Variants in GABRG3 observed in about 807,000 individuals in gnomAD.
GABRG3 encodes the protein gamma-aminobutyric acid receptor subunit gamma-3.
A neutral mutation model predicts 48.8 loss-of-function variants in GABRG3; 25 were observed. The observed-to-expected ratio is 0.51, with a 90% CI of 0.37 to 0.72. The LOEUF (loss-of-function observed/expected upper bound fraction) is 0.72. Among genes scored for constraint, GABRG3 ranks in the 30% least tolerant of loss-of-function variants. The pLI is 0.00. For missense variants in GABRG3, 394 were observed against 577.9 expected, an observed-to-expected ratio of 0.68 and a Z score of 3.26; for synonymous variants, 227 against 217.6, an observed-to-expected ratio of 1.04 and a Z score of -0.38.
At chr15:27,215,895 C>T (rs996838114) in intron 3 of GABRG3, among the ~76,000 whole-genome samples, 2 of 152,166 alleles carry the variant, frequency 1.3e-5, no homozygotes, top group African/African-American at 4.8e-5. Flanking sequence ...GTGTTGTTAC[C>T]TATAATTAGG....
chr15:27,026,036 G>A (rs971403664), intron 2 of GABRG3, among the ~76,000 whole-genome samples: 6 of 152,172 alleles, frequency 3.9e-5, no homozygotes, highest in Non-Finnish European at 7.3e-5. Flanking sequence ...TTCCCTTAAA[G>A]CCAAGTGAGC....
chr15:27,020,572 C>T (rs565673161), intron 2 of GABRG3, among the ~76,000 whole-genome samples: 3 of 120,152 alleles, frequency 2.5e-5, no homozygotes, highest in Admixed American at 8.1e-5. Context: ...CCACCACGCC[C>T]GGCTAATTTT....
chr15:27,449,002 T>C (rs914711851), intron 5 of GABRG3, among the ~76,000 whole-genome samples: 4 of 152,184 alleles, frequency 2.6e-5, no homozygotes, highest in African/African-American at 7.2e-5. Context: ...GCCTCCAGTG[T>C]AATAGTGTAT....
At chr15:27,100,677 A>G (rs919392427) in intron 3 of GABRG3, among the ~76,000 whole-genome samples, 4 of 152,246 alleles carry the variant, frequency 2.6e-5, no homozygotes, top group Non-Finnish European at 5.9e-5. Flanking sequence ...TCAGCTTTCA[A>G]AATCAATCTG....
At chr15:27,110,613 C>G (rs28818289) in intron 3 of GABRG3, among the ~76,000 whole-genome samples, 1 of 150,828 alleles carries the variant, frequency 6.6e-6, no homozygotes, top group Non-Finnish European at 1.5e-5. Flanking sequence ...GTCTTTATTT[C>G]TCTTTCATTT....
At chr15:27,174,572 C>CCTCTCTCTCGTCT (rs1217832709) in intron 3 of GABRG3, among the ~76,000 whole-genome samples, 22 of 143,136 alleles carry the variant, frequency 1.5e-4, no homozygotes, top group African/African-American at 6.1e-4. Flanking sequence ...CCAGTGACTG[C>CCTCTCTCTCGTCT]CTCTCTCTCT....
intron 3 of GABRG3, among the ~76,000 whole-genome samples, chr15:27,261,417 C>T (rs996816911): frequency 2.0e-5 from 3 of 151,758 alleles, no homozygotes; most frequent in Admixed American, 6.6e-5. Flanking sequence ...TCCCCAGTCC[C>T]CCCAGTGCCA....
rs758173666 is a variant in GABRG3 at position 26,977,197 on chromosome 15, A to G, written c.202+47A>G. 51 of 1,566,622 alleles carry G rather than the reference A, an allele frequency of 3.3e-5. No homozygotes were observed. In the East Asian group the frequency reaches 1.1e-3, roughly 35 times the overall value. On this transcript the variant is annotated intron_variant, in intron 2 of 9. Coordinates refer to ENST00000615808, the MANE Select transcript of GABRG3 (RefSeq NM_033223.5). ...TCTAATAGAAAAATATGCTGTAGTGATATGAAGTTTTTACTTTTGAGTAAT... is the reference window on the plus strand; with the variant it reads ...TCTAATAGAAAAATATGCTGTAGTGGTATGAAGTTTTTACTTTTGAGTAAT...
chr15:27,274,385 G>A (rs189554944), intron 3 of GABRG3, among the ~76,000 whole-genome samples: 43 of 152,260 alleles, frequency 2.8e-4, no homozygotes, highest in Admixed American at 7.2e-4. Context: ...GCTTTTGGCA[G>A]GAGCTTTTGT....
At chr15:27,490,263 T>C (rs1046567321) in intron 6 of GABRG3, among the ~76,000 whole-genome samples, 8 of 152,210 alleles carry the variant, frequency 5.3e-5, no homozygotes, top group Admixed American at 4.6e-4. Context: ...CACAAATTCG[T>C]TTTCTATGAA....
chr15:27,300,831 G>A (rs1024699475), intron 3 of GABRG3, among the ~76,000 whole-genome samples: 1 of 150,892 alleles, frequency 6.6e-6, no homozygotes, highest in Admixed American at 6.6e-5. Flanking sequence ...GCTGGGCACG[G>A]TGGCTCACGC....
chr15:27,349,975 A>C (rs1894504696), intron 5 of GABRG3, among the ~76,000 whole-genome samples: 2 of 142,808 alleles, frequency 1.4e-5, no homozygotes, highest in Non-Finnish European at 1.5e-5. Flanking sequence ...AAAAAACCTA[A>C]CTTTCCCATC....
At chr15:27,475,674 A>C (rs1450225976) in intron 5 of GABRG3, among the ~76,000 whole-genome samples, 1 of 151,956 alleles carries the variant, frequency 6.6e-6, no homozygotes, top group Non-Finnish European at 1.5e-5. Flanking sequence ...GATAGTAATC[A>C]TGTTGGTGGT....
chr15:27,393,984 A>G (rs9635412), intron 5 of GABRG3, among the ~76,000 whole-genome samples: 60,887 of 152,058 alleles, frequency 0.4, 13,073 homozygotes, highest in East Asian at 0.86. Flanking sequence ...TTCAGTCTAA[A>G]GTGAATCTCT....
chr15:27,202,374 C>T (rs1464934022), intron 3 of GABRG3, among the ~76,000 whole-genome samples: 1 of 152,196 alleles, frequency 6.6e-6, no homozygotes, highest in Admixed American at 6.5e-5. Context: ...GTTTTCCCCA[C>T]TACAAGTAAT....
intron 3 of GABRG3, among the ~76,000 whole-genome samples, chr15:27,122,738 C>T (rs945425090): frequency 1.3e-5 from 2 of 152,158 alleles, no homozygotes; most frequent in Non-Finnish European, 2.9e-5. Context: ...TCAGTAGATG[C>T]CTTGGTACGA....
In GABRG3 at chr15:27,447,472, G is replaced by A. The variant is rs1224954667; in HGVS notation, c.575-33178G>A. Among the ~76,000 whole-genome samples the A allele has an allele frequency of 6.6e-6, 1 of 152,102 alleles. No individual in the cohort carries two copies. Among genetic ancestry groups the A allele is most frequent in the Non-Finnish European group, 1.5e-5 (1 of 68,020 alleles). The stretch of plus-strand genomic sequence containing the variant: ...AATAAACCTGAAGTGTCCAAGTGGG[G>A]GAGATGCCATAATTATAGTGAGAAA... On this transcript the variant is annotated intron_variant, in intron 5 of 9. Transcript: ENST00000615808. The surrounding 1 kb of genome is among the most constrained non-coding windows in gnomAD (Gnocchi z 4.0).
intron 5 of GABRG3, among the ~76,000 whole-genome samples, chr15:27,475,889 G>T (rs960021889): frequency 4.6e-5 from 7 of 152,052 alleles, no homozygotes; most frequent in African/African-American, 1.7e-4. Flanking sequence ...TGTTAATAGT[G>T]ATGTGGTGGT....
intron 3 of GABRG3, among the ~76,000 whole-genome samples, chr15:27,096,268 G>A (rs1897264340): frequency 6.6e-6 from 1 of 152,228 alleles, no homozygotes; most frequent in Admixed American, 6.5e-5. Context: ...TGAGGATTCT[G>A]AGTTTCATCA....
Sources: allele counts gnomAD v4.1 joint callset (sites outside exome capture counted in the v4.1 genomes callset), GRCh38; gene constraint gnomAD v4.1.1; non-coding constraint Gnocchi (gnomAD v3.1); transcripts MANE v1.5; gene names NCBI Gene and HGNC (gene_info 2026-07-23, HGNC 2026-07-21).